Variants in CACNB2 observed in about 807,000 individuals in gnomAD.
The protein encoded by CACNB2 is calcium voltage-gated channel auxiliary subunit beta 2, also known as voltage-dependent L-type calcium channel subunit beta-2.
CACNB2 carries 42 observed loss-of-function variants against 73.3 expected under a neutral mutation model. The ratio of observed to expected loss-of-function variants is 0.57; its 90% CI spans 0.45 to 0.74. The LOEUF is 0.74. Ranked by LOEUF, CACNB2 falls within the 30% of genes least tolerant of loss-of-function variation. CACNB2 has a pLI of 0.00. For missense variants in CACNB2, 940 were observed against 853.0 expected (o/e 1.10, Z -1.27); for synonymous variants, 348 against 310.3 (o/e 1.12, Z -1.28).
intron 2 of CACNB2, among the ~76,000 whole-genome samples, chr10:18,393,734 G>A (rs745371386): frequency 2.0e-5 from 3 of 152,076 alleles, no homozygotes; most frequent in Non-Finnish European, 4.4e-5. Context: ...TTAAATAGCC[G>A]GTGTCTTGGC....
chr10:18,220,184 T>C, intron 2 of CACNB2, among the ~76,000 whole-genome samples: 1 of 74,750 alleles, frequency 1.3e-5, no homozygotes, highest in Non-Finnish European at 2.3e-5. Context: ...TACATATATA[T>C]ACATATATAT....
chr10:18,234,826 A>G (rs2036369502), intron 2 of CACNB2, among the ~76,000 whole-genome samples: 1 of 152,130 alleles, frequency 6.6e-6, no homozygotes, highest in African/African-American at 2.4e-5. Flanking sequence ...AATGCACTTA[A>G]TGCCACTGAG....
intron 3 of CACNB2, among the ~76,000 whole-genome samples, chr10:18,462,767 A>G (rs192268925): frequency 6.7e-6 from 1 of 149,272 alleles, no homozygotes; most frequent in Non-Finnish European, 1.5e-5. Flanking sequence ...ATTTTTATTT[A>G]TTTATTTTTG....
At position 18,538,282 on chromosome 10, in the gene CACNB2, A is replaced by G. The variant is rs1305784565; in HGVS notation, c.1405A>G (p.Ser469Gly). 6.2e-7 allele frequency: 1 copy of G among 1,614,058 alleles called. No homozygotes were observed. Among genetic ancestry groups the G allele is most frequent in the Non-Finnish European group, 8.5e-7 (1 of 1,180,000 alleles). ...CTGGAAGGCCACCCATCCTCCCAGC[A>G]GTAGCCTCCCCAACCCTCTCCTTAG... ...AYWKATHPPS[S>G]SLPNPLLSRT... Residue 469 changes from serine to glycine, a missense_variant, in exon 13 of 14, where the codon AGT (serine) becomes GGT (glycine). Coordinates refer to ENST00000324631, the MANE Select transcript of CACNB2 (RefSeq NM_201596.3).
intron 2 of CACNB2, among the ~76,000 whole-genome samples, chr10:18,400,414 T>A (rs1226563719): frequency 6.6e-6 from 1 of 152,210 alleles, no homozygotes; most frequent in Non-Finnish European, 1.5e-5. Context: ...CCGATTACTA[T>A]AGAACCGAAG....
intron 3 of CACNB2, among the ~76,000 whole-genome samples, chr10:18,434,640 A>G (rs549322083): frequency 2.0e-5 from 3 of 152,268 alleles, no homozygotes; most frequent in Admixed American, 2.0e-4. Context: ...GGCTCAAACA[A>G]TCCACCCACC....
At chr10:18,439,559 C>G (rs1388145544) in intron 3 of CACNB2, among the ~76,000 whole-genome samples, 2 of 152,206 alleles carry the variant, frequency 1.3e-5, no homozygotes, top group African/African-American at 4.8e-5. Context: ...TCCAAGTATT[C>G]TGAATTGCTT....
intron 2 of CACNB2, among the ~76,000 whole-genome samples, chr10:18,289,297 G>GTTTTTTTTTTTTTTT (rs764040568): frequency 1.8e-5 from 1 of 56,716 alleles, no homozygotes; most frequent in African/African-American, 8.5e-5. Flanking sequence ...TTTTTGTTTT[G>GTTTTTTTTTTTTTTT]TTTTTTTTTT....
At chr10:18,193,538 G>C (rs1230767645) in intron 2 of CACNB2, among the ~76,000 whole-genome samples, 2 of 152,130 alleles carry the variant, frequency 1.3e-5, no homozygotes, top group Non-Finnish European at 2.9e-5. Flanking sequence ...ATAGATTCCA[G>C]AAGGGCCTCT....
chr10:18,177,581 A>C (rs1403203601), intron 2 of CACNB2, among the ~76,000 whole-genome samples: 1 of 151,986 alleles, frequency 6.6e-6, no homozygotes, highest in Non-Finnish European at 1.5e-5. Context: ...TCCATCTCAA[A>C]AAAAAAAAGA....
intron 3 of CACNB2, among the ~76,000 whole-genome samples, chr10:18,433,730 C>T (rs1241130309): frequency 1.3e-5 from 2 of 151,736 alleles, no homozygotes; most frequent in African/African-American, 4.8e-5. Flanking sequence ...AACAAGGAGT[C>T]CAATCTGTAA....
At chr10:18,233,483 T>G (rs2131460668) in intron 2 of CACNB2, among the ~76,000 whole-genome samples, 1 of 152,174 alleles carries the variant, frequency 6.6e-6, no homozygotes, top group Middle Eastern at 3.4e-3. Context: ...GCTAGCTAGG[T>G]TTCTTTTTGT....
chr10:18,330,219 T>C (rs2040746997), intron 2 of CACNB2, among the ~76,000 whole-genome samples: 1 of 152,156 alleles, frequency 6.6e-6, no homozygotes, highest in African/African-American at 2.4e-5. Flanking sequence ...TATTTAATAC[T>C]CAAAATATTT....
chr10:18,413,370 A>G (rs1227863778), intron 3 of CACNB2, among the ~76,000 whole-genome samples: 1 of 152,070 alleles, frequency 6.6e-6, no homozygotes, highest in Non-Finnish European at 1.5e-5. Context: ...CTTCCCTTCT[A>G]TTCTCTCATA....
intron 2 of CACNB2, among the ~76,000 whole-genome samples, chr10:18,237,785 G>A (rs755278030): frequency 1.3e-5 from 2 of 152,198 alleles, no homozygotes; most frequent in East Asian, 1.9e-4. Flanking sequence ...TACCCAACAG[G>A]GGTAATGGTA....
intron 2 of CACNB2, among the ~76,000 whole-genome samples, chr10:18,170,163 G>C (rs193165989): frequency 6.6e-4 from 100 of 152,358 alleles, no homozygotes; most frequent in Middle Eastern, 3.4e-3. Context: ...GTTCACTTTA[G>C]AGGTGGGAGA....
chr10:18,332,294 T>A (rs1351209784), intron 2 of CACNB2, among the ~76,000 whole-genome samples: 1 of 152,086 alleles, frequency 6.6e-6, no homozygotes, highest in Non-Finnish European at 1.5e-5. Flanking sequence ...AAGGGTTGGA[T>A]TTGCGAAATA....
chr10:18,226,597 G>A (rs186555673), intron 2 of CACNB2, among the ~76,000 whole-genome samples: 1 of 152,202 alleles, frequency 6.6e-6, no homozygotes, highest in African/African-American at 2.4e-5. Flanking sequence ...ACGATCTGCC[G>A]GCACTTCTTG....
At chr10:18,223,475 ATTAT>A (rs2035871152) in intron 2 of CACNB2, among the ~76,000 whole-genome samples, 1 of 152,298 alleles carries the variant, frequency 6.6e-6, no homozygotes, top group African/African-American at 2.4e-5. Flanking sequence ...ATAATTATTG[ATTAT>A]TTAATGTATT....
Sources: gnomAD v4.1 joint callset for allele counts (sites outside exome capture counted in the v4.1 genomes callset) on GRCh38, gnomAD v4.1.1 for gene constraint, MANE v1.5 for transcripts, NCBI Gene and HGNC (gene_info 2026-07-23, HGNC 2026-07-21) for gene names.